GIPC2: variants seen among roughly 807,000 people sequenced by gnomAD.
GIPC2 encodes the protein PDZ domain-containing protein GIPC2.
A neutral mutation model predicts 30.6 loss-of-function variants in GIPC2; 30 were observed. That is an observed-to-expected ratio of 0.98 (90% CI 0.73 to 1.33). The LOEUF (loss-of-function observed/expected upper bound fraction) is 1.33. Among genes scored for constraint, GIPC2 ranks in the 40% most tolerant of loss-of-function variants. The pLI is 0.00. For missense variants in GIPC2, 414 were observed against 390.3 expected (o/e 1.06, Z -0.51); for synonymous variants, 167 against 150.0 (o/e 1.11, Z -0.83).
In GIPC2 at chr1:78,089,290, C is replaced by T. The variant is rs955893585; in HGVS notation, c.427-5662C>T. On this transcript the variant is annotated intron_variant, in intron 2 of 5. Coordinates refer to ENST00000370759, the MANE Select transcript of GIPC2 (RefSeq NM_017655.6). Reference sequence around the variant, plus strand: ...ACTGGCTGTGTAACATTGGCCAAGGCATTAAACTTTTCTGAGCCTTCTCTC... The same window carrying T: ...ACTGGCTGTGTAACATTGGCCAAGGTATTAAACTTTTCTGAGCCTTCTCTC... 3.9e-5 allele frequency among the ~76,000 whole-genome samples: 6 copies of T among 152,142 alleles called. No homozygotes were observed. The South Asian group carries it at 6.2e-4, about 16-fold the overall frequency.
At chr1:78,051,035 G>T (rs1305128501) in intron 1 of GIPC2, among the ~76,000 whole-genome samples, 1 of 152,002 alleles carries the variant, frequency 6.6e-6, no homozygotes, top group African/African-American at 2.4e-5. Flanking sequence ...TACTGTAATT[G>T]TTTGGCAAGT....
rs1662995279 is a variant in GIPC2 at position 78,135,943 on chromosome 1, G to T, written c.*200G>T. 2.2e-6 allele frequency: 1 copy of T among 449,354 alleles called. No individual in the cohort carries two copies. Among genetic ancestry groups the T allele is most frequent in the East Asian group, 3.8e-5 (1 of 26,372 alleles). 27.8% of individuals were successfully genotyped at this position (449,354 alleles called of 1,614,324 possible). ...CATTGCTGATGTAGTATGCTTAAGA[G>T]AAATGACCTAAATAAGGATCAATTG... On this transcript the variant is annotated 3_prime_UTR_variant, in exon 6 of 6. Transcript: ENST00000370759.
chr1:78,093,429 G>C (rs867988908), intron 2 of GIPC2, among the ~76,000 whole-genome samples: 1 of 152,050 alleles, frequency 6.6e-6, no homozygotes, highest in African/African-American at 2.4e-5. Context: ...GTTTAAATTG[G>C]CATTATTGTG....
At chr1:78,119,563 AT>A in intron 4 of GIPC2, 64 bp downstream of exon 4, 1 of 990,002 alleles carries the variant, frequency 1.0e-6, no homozygotes, top group Non-Finnish European at 1.6e-6. Flanking sequence ...AATTCCATTC[AT>A]TCTAACCAAA....
chr1:78,099,394 T>C (rs1055817892), intron 3 of GIPC2, among the ~76,000 whole-genome samples: 1 of 151,846 alleles, frequency 6.6e-6, no homozygotes, highest in Non-Finnish European at 1.5e-5. Flanking sequence ...AGACATCAAG[T>C]GTGCTTAAGA....
At chr1:78,104,191 C>A (rs964681096) in intron 3 of GIPC2, among the ~76,000 whole-genome samples, 1 of 140,652 alleles carries the variant, frequency 7.1e-6, no homozygotes, top group Non-Finnish European at 1.5e-5. Context: ...GAGAGGGGGC[C>A]GGGGGTGGTG....
At chr1:78,122,625 G>A (rs1328317584) in intron 4 of GIPC2, among the ~76,000 whole-genome samples, 1 of 152,100 alleles carries the variant, frequency 6.6e-6, no homozygotes, top group East Asian at 1.9e-4. Flanking sequence ...ACAGCCTGGG[G>A]GAAACCACCT....
chr1:78,106,995 C>T (rs973954892), intron 3 of GIPC2, among the ~76,000 whole-genome samples: 4 of 152,048 alleles, frequency 2.6e-5, no homozygotes, highest in South Asian at 2.1e-4. Context: ...AGTTTATGGA[C>T]GGCTTTTCTT....
intron 3 of GIPC2, among the ~76,000 whole-genome samples, chr1:78,097,601 T>C (rs1285923554): frequency 6.6e-6 from 1 of 152,226 alleles, no homozygotes; most frequent in African/African-American, 2.4e-5. Context: ...CCTGCCTTCA[T>C]TTCCATATTT....
At chr1:78,112,384 CTG>C in intron 3 of GIPC2, 1 of 517,766 alleles carries the variant, frequency 1.9e-6, no homozygotes, top group South Asian at 1.4e-5. Flanking sequence ...TTGACCTTCT[CTG>C]TGTCCATAGC....
intron 3 of GIPC2, among the ~76,000 whole-genome samples, chr1:78,098,045 C>G (rs1662171236): frequency 6.6e-6 from 1 of 152,134 alleles, no homozygotes; most frequent in African/African-American, 2.4e-5. Context: ...GCTATTTCTT[C>G]TAAGCTGTTA....
At chr1:78,055,878 G>A (rs746983059) in intron 1 of GIPC2, among the ~76,000 whole-genome samples, 7 of 152,148 alleles carry the variant, frequency 4.6e-5, no homozygotes, top group Admixed American at 6.6e-5. Flanking sequence ...TTAGGGGAAC[G>A]TAAATGGCAG....
chr1:78,090,309 C>T (rs1412713393), intron 2 of GIPC2, among the ~76,000 whole-genome samples: 1 of 152,156 alleles, frequency 6.6e-6, no homozygotes, highest in East Asian at 1.9e-4. Context: ...ATTCTCCTGC[C>T]TCAGCCTCCC....
chr1:78,045,248 C>T (rs1006323965), upstream of GIPC2, among the ~76,000 whole-genome samples: 3 of 152,148 alleles, frequency 2.0e-5, no homozygotes, highest in African/African-American at 7.2e-5. Context: ...GAGGAAATTT[C>T]GTAGCTAATA....
At chr1:78,083,409 T>A (rs1214526370) in intron 2 of GIPC2, among the ~76,000 whole-genome samples, 1 of 152,206 alleles carries the variant, frequency 6.6e-6, no homozygotes, top group Non-Finnish European at 1.5e-5. Context: ...TCTCATTGTT[T>A]GTGAGATTAA....
At chr1:78,064,139 TAAA>T (rs1661458426) in intron 1 of GIPC2, among the ~76,000 whole-genome samples, 1 of 152,176 alleles carries the variant, frequency 6.6e-6, no homozygotes, top group Admixed American at 6.5e-5. Context: ...AGGCACTGCA[TAAA>T]AAAGTACAGT....
intron 2 of GIPC2, among the ~76,000 whole-genome samples, chr1:78,085,017 G>C (rs138257985): frequency 6.6e-6 from 1 of 152,182 alleles, no homozygotes; most frequent in South Asian, 2.1e-4. Context: ...TCTTGTGCTG[G>C]TTTTCAAGGG....
intron 1 of GIPC2, among the ~76,000 whole-genome samples, chr1:78,062,978 GTCTA>G (rs1557528932): frequency 6.6e-6 from 1 of 152,124 alleles, no homozygotes. Flanking sequence ...TTGACTTGAG[GTCTA>G]TCTGACGTCA....
intron 1 of GIPC2, among the ~76,000 whole-genome samples, chr1:78,058,807 C>A (rs937300233): frequency 9.2e-5 from 14 of 152,112 alleles, no homozygotes; most frequent in African/African-American, 3.4e-4. Flanking sequence ...ACTCCGTGGA[C>A]CAATATTCCA....
Sources: gnomAD v4.1 joint callset for allele counts (sites outside exome capture counted in the v4.1 genomes callset) on GRCh38, gnomAD v4.1.1 for gene constraint, MANE v1.5 for transcripts, NCBI Gene and HGNC (gene_info 2026-07-23, HGNC 2026-07-21) for gene names.